Variants in RBFOX1 observed in about 807,000 individuals in gnomAD.
RBFOX1 encodes the protein RNA binding protein fox-1 homolog 1.
A neutral mutation model predicts 57.7 loss-of-function variants in RBFOX1; 8 were observed. That is an observed-to-expected ratio of 0.14 (90% CI 0.08 to 0.25). The LOEUF (loss-of-function observed/expected upper bound fraction) is 0.25. Among genes scored for constraint, RBFOX1 ranks in the 10% least tolerant of loss-of-function variants. RBFOX1 has a pLI of 1.00. For missense variants in RBFOX1, 611 were observed against 548.5 expected, an observed-to-expected ratio of 1.11 and a Z score of -1.14; for synonymous variants, 326 against 222.4, an observed-to-expected ratio of 1.47 and a Z score of -4.15.
chr16:7,544,768 A>G (rs1277775657), intron 5 of RBFOX1, among the ~76,000 whole-genome samples: 4 of 152,204 alleles, frequency 2.6e-5, no homozygotes, highest in South Asian at 2.1e-4. Context: ...GTAATAGCAC[A>G]TGAGATATTT....
intron 4 of RBFOX1, among the ~76,000 whole-genome samples, chr16:7,114,312 T>C (rs918948554): frequency 2.6e-5 from 4 of 152,150 alleles, no homozygotes; most frequent in African/African-American, 9.7e-5. Flanking sequence ...GAAAAAAATA[T>C]GAATACCTGG....
chr16:6,857,506 G>T (rs994710820), intron 3 of RBFOX1, among the ~76,000 whole-genome samples: 2 of 152,158 alleles, frequency 1.3e-5, no homozygotes, highest in African/African-American at 4.8e-5. Context: ...AACCAGCACA[G>T]TTAAATTTCA....
In RBFOX1 at chr16:5,650,187, C is replaced by G. The variant is rs114515499; in HGVS notation, c.318+51226C>G. ...AACTCCTGGTGAAATAGTCGTAAGA[C>G]GAGGCTCTCAATCTTACCTGAGCAA... On this transcript the variant is annotated intron_variant, in intron 3 of 19. Transcript: ENST00000641259. Among the ~76,000 whole-genome samples, 386 of 152,294 alleles carry G rather than the reference C, an allele frequency of 2.5e-3. 1 individual carries two copies. Among genetic ancestry groups the G allele is most frequent in the African/African-American group, 8.6e-3 (356 of 41,576 alleles).
At chr16:5,385,378 A>G (rs934171924) in intron 1 of RBFOX1, among the ~76,000 whole-genome samples, 4 of 152,164 alleles carry the variant, frequency 2.6e-5, no homozygotes, top group Non-Finnish European at 5.9e-5. Context: ...GATGTAAAAT[A>G]TTTCCCTAAT....
chr16:7,051,254 C>A (rs1334070739), intron 3 of RBFOX1, among the ~76,000 whole-genome samples: 1 of 152,136 alleles, frequency 6.6e-6, no homozygotes, highest in African/African-American at 2.4e-5. Flanking sequence ...TCTCAAAATT[C>A]CTTCTATGTG....
intron 1 of RBFOX1, among the ~76,000 whole-genome samples, chr16:6,082,864 G>T (rs955550217): frequency 6.6e-6 from 1 of 151,398 alleles, no homozygotes; most frequent in Non-Finnish European, 1.5e-5. Context: ...CAGATCCCAC[G>T]GGTGTCATAG....
chr16:6,636,244 C>T (rs1311167383), intron 2 of RBFOX1, among the ~76,000 whole-genome samples: 2 of 152,144 alleles, frequency 1.3e-5, no homozygotes, highest in East Asian at 1.9e-4. Context: ...GATCTCGGCT[C>T]ACTGCAAGCT....
intron 2 of RBFOX1, among the ~76,000 whole-genome samples, chr16:5,488,107 G>A (rs1382068082): frequency 1.4e-5 from 2 of 143,630 alleles, no homozygotes; most frequent in African/African-American, 5.6e-5. Flanking sequence ...GGTGATGGTG[G>A]TGGTGGTGAT....
At chr16:6,515,940 A>G (rs1019369188) in intron 2 of RBFOX1, among the ~76,000 whole-genome samples, 1 of 152,056 alleles carries the variant, frequency 6.6e-6, no homozygotes, top group East Asian at 1.9e-4. Context: ...TGAAACCTGT[A>G]TTTTTTTAGG....
intron 1 of RBFOX1, among the ~76,000 whole-genome samples, chr16:5,459,410 C>T (rs1418885897): frequency 2.6e-5 from 4 of 152,120 alleles, no homozygotes; most frequent in Non-Finnish European, 5.9e-5. Context: ...AGACCCTTAG[C>T]ACTTTGCTAA....
chr16:5,860,474 G>A (rs1291445265), intron 3 of RBFOX1, among the ~76,000 whole-genome samples: 1 of 152,186 alleles, frequency 6.6e-6, no homozygotes, highest in Non-Finnish European at 1.5e-5. Flanking sequence ...AGTTGACTCA[G>A]TTTGTTTAAG....
At chr16:6,354,890 T>C (rs909537043) in intron 2 of RBFOX1, among the ~76,000 whole-genome samples, 1 of 152,116 alleles carries the variant, frequency 6.6e-6, no homozygotes. Context: ...AGTCCTGAGG[T>C]TACCGTCATC....
intron 1 of RBFOX1, among the ~76,000 whole-genome samples, chr16:5,362,197 C>CT (rs113440850): frequency 1.7e-3 from 250 of 147,100 alleles, no homozygotes; most frequent in African/African-American, 4.7e-3. Flanking sequence ...GTCACTGAAA[C>CT]TTTTTTTTTT....
At chr16:7,704,182 G>C (rs1024101603) in intron 14 of RBFOX1, among the ~76,000 whole-genome samples, 3 of 152,162 alleles carry the variant, frequency 2.0e-5, no homozygotes, top group African/African-American at 4.8e-5. Context: ...CCCAAGTCCT[G>C]AATCTCCAAG....
chr16:6,668,969 G>A (rs2098748548), intron 3 of RBFOX1, among the ~76,000 whole-genome samples: 1 of 152,200 alleles, frequency 6.6e-6, no homozygotes, highest in African/African-American at 2.4e-5. Context: ...GATGAGTGGA[G>A]TGAACGTTAA....
chr16:6,799,490 G>C (rs1263741068), intron 3 of RBFOX1, among the ~76,000 whole-genome samples: 3 of 152,132 alleles, frequency 2.0e-5, no homozygotes, highest in Admixed American at 1.3e-4. Flanking sequence ...GTGTTAACTT[G>C]ATTGGATTGA....
At chr16:5,244,096 C>A (rs549124442) in intron 1 of RBFOX1, among the ~76,000 whole-genome samples, 1 of 152,042 alleles carries the variant, frequency 6.6e-6, no homozygotes. Flanking sequence ...GAGGTTTCAC[C>A]ACGTTGGCCA....
intron 3 of RBFOX1, among the ~76,000 whole-genome samples, chr16:6,927,274 G>A (rs1249558575): frequency 6.6e-6 from 1 of 151,590 alleles, no homozygotes; most frequent in African/African-American, 2.4e-5. Flanking sequence ...TTTGCCAGGT[G>A]TGGTGACACA....
chr16:6,409,820 T>C (rs921718567), intron 2 of RBFOX1, among the ~76,000 whole-genome samples: 2 of 152,190 alleles, frequency 1.3e-5, no homozygotes, highest in African/African-American at 4.8e-5. Flanking sequence ...CTTCATACAC[T>C]GCTCAGTTTC....
Sources: gnomAD v4.1 joint callset for allele counts (sites outside exome capture counted in the v4.1 genomes callset) on GRCh38, gnomAD v4.1.1 for gene constraint, MANE v1.5 for transcripts, NCBI Gene and HGNC (gene_info 2026-07-23, HGNC 2026-07-21) for gene names.